PRUNE1: variants seen among roughly 807,000 people sequenced by gnomAD.
PRUNE1 encodes the protein prune exopolyphosphatase 1, also known as exopolyphosphatase PRUNE1.
In PRUNE1, 25 loss-of-function variants were observed where a neutral mutation model predicts 42.5. The ratio of observed to expected loss-of-function variants is 0.59; its 90% CI spans 0.43 to 0.82. The LOEUF is 0.82. Among genes scored for constraint, PRUNE1 ranks in the 40% least tolerant of loss-of-function variants. The pLI, the probability that PRUNE1 is intolerant of heterozygous loss-of-function variation, is 0.00. For missense variants in PRUNE1, 443 were observed against 539.3 expected (o/e 0.82, Z 1.77); for synonymous variants, 203 against 217.1 (o/e 0.93, Z 0.57).
rs1193850042 is a variant in PRUNE1, at chr1:151,025,609, C to T, written c.615C>T (p.Phe205=). 2.5e-6 allele frequency: 4 copies of T among 1,613,718 alleles called. No homozygotes were observed. The Admixed American group carries it at 5.0e-5, about 20-fold the overall frequency. Residue 205 remains phenylalanine, a synonymous_variant, in exon 5 of 8, where the codon TTC becomes TTT. Coordinates refer to ENST00000271620, the MANE Select transcript of PRUNE1 (RefSeq NM_021222.3). Reference sequence around the variant, plus strand: ...ATGTGGAGAAACTAGAGGCCCTTTTCCCAGACCTACCCAAGAGAAATGATA... The same window carrying T: ...ATGTGGAGAAACTAGAGGCCCTTTTTCCAGACCTACCCAAGAGAAATGATA... ...SKYVEKLEAL[F]PDLPKRNDIF...
At chr1:151,023,788 G>C (rs1674637390) in intron 3 of PRUNE1, among the ~76,000 whole-genome samples, 2 of 152,050 alleles carry the variant, frequency 1.3e-5, no homozygotes, top group Middle Eastern at 3.4e-3. Flanking sequence ...GGTTGGAAAG[G>C]CAACGCTAAA....
intron 1 of PRUNE1, 40 bp downstream of exon 1, chr1:151,008,711 G>A (rs1310761364): frequency 1.9e-6 from 3 of 1,610,936 alleles, no homozygotes; most frequent in Middle Eastern, 1.6e-4. Flanking sequence ...AATGGAGCAC[G>A]GGGTCCAGGA....
intron 1 of PRUNE1, among the ~76,000 whole-genome samples, chr1:151,009,074 C>T (rs895360382): frequency 6.6e-6 from 1 of 152,142 alleles, no homozygotes; most frequent in Non-Finnish European, 1.5e-5. Context: ...TTCTCCGCTC[C>T]CAAGGCTTCG....
At chr1:151,029,573 T>C (rs1186545225) in intron 7 of PRUNE1, among the ~76,000 whole-genome samples, 1 of 151,580 alleles carries the variant, frequency 6.6e-6, no homozygotes, top group African/African-American at 2.4e-5. Context: ...TTCACCGTGT[T>C]AGCCAGGATA....
intron 1 of PRUNE1, among the ~76,000 whole-genome samples, chr1:151,015,345 A>G (rs2102903179): frequency 7.2e-6 from 1 of 138,742 alleles, no homozygotes; most frequent in East Asian, 2.2e-4. Flanking sequence ...AAAAAAAAAA[A>G]AAAACAAGGG....
chr1:151,025,046 G>A (rs1239583163), intron 4 of PRUNE1, among the ~76,000 whole-genome samples: 1 of 152,114 alleles, frequency 6.6e-6, no homozygotes, highest in Non-Finnish European at 1.5e-5. Context: ...ATTTTATGAT[G>A]GAAGGAGGAT....
rs35204921 is a variant in PRUNE1 at position 151,010,671 on chromosome 1, A to ATTT, written c.39+2017_39+2019dup. On this transcript the variant is annotated intron_variant, in intron 1 of 7. Transcript: ENST00000271620. ...GATGCCAACAATTTAAATTGCTTTA[A>ATTT]TTTTTTTTTTTTTTTTTTTGAGATA... Among the ~76,000 whole-genome samples, 560 of 135,464 alleles carry ATTT rather than the reference A, an allele frequency of 4.1e-3. 6 individuals carry two copies. Among genetic ancestry groups the ATTT allele is most frequent in the Non-Finnish European group, 6.9e-3 (442 of 64,500 alleles). 88.9% of individuals were successfully genotyped at this position (135,464 alleles called of 152,430 possible).
rs1038002579 is a variant in PRUNE1, at chr1:151,011,980, T to C, written c.39+3309T>C. ...TTTTAGTAGAAACGGGGTTTCACCA[T>C]GTTGGCCAGGATGGTCTCAATCTCT... On this transcript the variant is annotated intron_variant, in intron 1 of 7. Coordinates refer to ENST00000271620, the MANE Select transcript of PRUNE1 (RefSeq NM_021222.3). Among the ~76,000 whole-genome samples the C allele has an allele frequency of 2.6e-5, 4 of 152,272 alleles. No homozygotes were observed. The South Asian group carries it at 8.3e-4, about 32-fold the overall frequency.
At chr1:151,028,987 C>T (rs138656184) in intron 7 of PRUNE1, 43 bp downstream of exon 7, 14 of 1,559,702 alleles carry the variant, frequency 9.0e-6, no homozygotes, top group Non-Finnish European at 1.1e-5. Context: ...CTTACAGAGT[C>T]TGCCTGTATG....
intron 7 of PRUNE1, among the ~76,000 whole-genome samples, chr1:151,031,638 T>C (rs1675253051): frequency 6.6e-6 from 1 of 152,204 alleles, no homozygotes; most frequent in Non-Finnish European, 1.5e-5. Context: ...TTAGGCAAGT[T>C]ACCTGATCAT....
At chr1:151,014,572 A>C (rs1673984004) in intron 1 of PRUNE1, among the ~76,000 whole-genome samples, 1 of 152,192 alleles carries the variant, frequency 6.6e-6, no homozygotes, top group African/African-American at 2.4e-5. Flanking sequence ...AGATGATTCT[A>C]GGTTTCCCTA....
rs192703362 is a variant in PRUNE1 at position 151,010,222 on chromosome 1, C to T, written c.39+1551C>T. ...CCTCAGCCTCCCGAAAAAGCTGCGA[C>T]TATAGGCAGTGCCACCACGCAGGGC... On this transcript the variant is annotated intron_variant, in intron 1 of 7. Transcript: ENST00000271620. 2.0e-3 allele frequency among the ~76,000 whole-genome samples: 308 copies of T among 152,148 alleles called. 1 individual carries two copies. The highest frequency in any genetic ancestry group is 3.7e-3 in the Non-Finnish European group (249 of 67,984).
intron 7 of PRUNE1, among the ~76,000 whole-genome samples, chr1:151,033,578 G>GA (rs1198591728): frequency 3.3e-5 from 5 of 151,026 alleles, no homozygotes; most frequent in Non-Finnish European, 7.4e-5. Context: ...TTTTAGTAGA[G>GA]ACGGGGTTTC....
In PRUNE1 at chr1:151,034,206, C is replaced by G; in HGVS notation, c.1334C>G (p.Ser445Cys). The change falls in exon 8 of 8, where the codon TCT becomes TGT. Residue 445 changes from serine (S) to cysteine (C), a missense_variant. Transcript: ENST00000271620. ...TGCAGTCAGATCTCACTGTCACAGT[C>G]TACCACAGCCTCCCTGTCCAAGAAG... ...EKCSQISLSQ[S>C]TTASLSKK The G allele has an allele frequency of 6.2e-7, 1 of 1,612,378 alleles. No individual in the cohort carries two copies. The highest frequency in any genetic ancestry group is 8.5e-7 in the Non-Finnish European group (1 of 1,178,872).
At chr1:151,019,955 C>T (rs1425971945) in intron 3 of PRUNE1, among the ~76,000 whole-genome samples, 1 of 151,292 alleles carries the variant, frequency 6.6e-6, no homozygotes, top group Non-Finnish European at 1.5e-5. Flanking sequence ...CCTCAGTCTC[C>T]TGAGTAGCTG....
At chr1:151,026,897 G>A (rs868799416) in intron 5 of PRUNE1, among the ~76,000 whole-genome samples, 3 of 132,122 alleles carry the variant, frequency 2.3e-5, no homozygotes, top group Non-Finnish European at 3.1e-5. Flanking sequence ...TGATTCTCCT[G>A]CTTCAGCCTC....
chr1:151,027,772 GTGTGTGT>G (rs1674956619), intron 6 of PRUNE1, among the ~76,000 whole-genome samples: 1 of 147,712 alleles, frequency 6.8e-6, no homozygotes, highest in African/African-American at 2.6e-5. Flanking sequence ...GTGTGTGTGT[GTGTGTGT>G]GTGCGCGCGC....
chr1:151,017,772 G>C (rs1674193475), intron 1 of PRUNE1, 40 bp from the exon 2 acceptor site: 13 of 1,268,232 alleles, frequency 1.0e-5, no homozygotes, highest in Non-Finnish European at 1.5e-5. Flanking sequence ...GAAATGAATA[G>C]AGATACTTTT....
intron 7 of PRUNE1, among the ~76,000 whole-genome samples, chr1:151,030,211 C>G (rs757072115): frequency 6.7e-6 from 1 of 148,150 alleles, no homozygotes; most frequent in Admixed American, 6.9e-5. Context: ...TGCAGTGAGC[C>G]GAGATTGCGC....
Sources: gnomAD v4.1 joint callset for allele counts (sites outside exome capture counted in the v4.1 genomes callset) on GRCh38, gnomAD v4.1.1 for gene constraint, MANE v1.5 for transcripts, NCBI Gene and HGNC (gene_info 2026-07-23, HGNC 2026-07-21) for gene names.